The following SGCZ variants were observed in gnomAD, a reference collection of about 807,000 sequenced individuals.
SGCZ encodes the protein zeta-sarcoglycan.
In SGCZ, 40 loss-of-function variants were observed where a neutral mutation model predicts 41.3. The observed-to-expected ratio is 0.97, with a 90% CI of 0.75 to 1.26. The LOEUF (loss-of-function observed/expected upper bound fraction) is 1.26. Among genes scored for constraint, SGCZ ranks in the 50% most tolerant of loss-of-function variants. The pLI, the probability that SGCZ is intolerant of heterozygous loss-of-function variation, is 0.00. For missense variants in SGCZ, 552 were observed against 369.8 expected (o/e 1.49, Z -4.04); for synonymous variants, 206 against 137.5 (o/e 1.50, Z -3.49).
intron 1 of SGCZ, among the ~76,000 whole-genome samples, chr8:14,772,948 T>C (rs1800294991): frequency 6.6e-6 from 1 of 152,098 alleles, no homozygotes; most frequent in African/African-American, 2.4e-5. Context: ...TACCCAGTAA[T>C]GGGATGGCTG....
At chr8:14,529,230 A>G (rs987187947) in intron 2 of SGCZ, among the ~76,000 whole-genome samples, 8 of 152,108 alleles carry the variant, frequency 5.3e-5, no homozygotes, top group Non-Finnish European at 1.0e-4. Context: ...TTTTCCCCTT[A>G]TGATCCTACA....
At chr8:15,047,547 T>C (rs547373184) in intron 1 of SGCZ, among the ~76,000 whole-genome samples, 2 of 152,134 alleles carry the variant, frequency 1.3e-5, no homozygotes, top group South Asian at 2.1e-4. Flanking sequence ...TACTACAACA[T>C]AATACAAAAT....
At chr8:14,950,116 C>G (rs1800584411) in intron 1 of SGCZ, among the ~76,000 whole-genome samples, 1 of 151,986 alleles carries the variant, frequency 6.6e-6, no homozygotes, top group Admixed American at 6.6e-5. Context: ...TAAAACTATA[C>G]TCTCTCCAGG....
intron 5 of SGCZ, among the ~76,000 whole-genome samples, chr8:14,163,546 T>C (rs1053991368): frequency 3.9e-5 from 6 of 152,200 alleles, no homozygotes; most frequent in Non-Finnish European, 8.8e-5. Flanking sequence ...CAACACAACC[T>C]CTTCATTATG....
rs573129997 is a variant in SGCZ at position 15,141,760 on chromosome 8, G to A, written c.39+95825C>T. Among the ~76,000 whole-genome samples, 6 of 152,226 alleles carry A rather than the reference G, an allele frequency of 3.9e-5. No individual in the cohort carries two copies. The South Asian group carries it at 6.2e-4, about 16-fold the overall frequency. ...CTACCAAAACTACAAAAATCAACTC[G>A]GCGTGGTGGTGCGTGCCTGTAATCC... On this transcript the variant is annotated intron_variant, in intron 1 of 7. Transcript: ENST00000382080.
chr8:14,675,401 GA>G (rs1346773695), intron 1 of SGCZ, among the ~76,000 whole-genome samples: 1 of 151,854 alleles, frequency 6.6e-6, no homozygotes, highest in African/African-American at 2.4e-5. Context: ...GTCCATTTTA[GA>G]GGTATGTAAT....
intron 1 of SGCZ, among the ~76,000 whole-genome samples, chr8:15,166,225 C>A (rs916206936): frequency 6.7e-6 from 1 of 150,098 alleles, no homozygotes. Flanking sequence ...CAAAATGATG[C>A]TCAATCCTTT....
At chr8:14,268,090 A>G (rs1278579951) in intron 3 of SGCZ, among the ~76,000 whole-genome samples, 1 of 268 alleles carries the variant, frequency 3.7e-3, no homozygotes, top group African/African-American at 9.6e-3. Flanking sequence ...TATTTCTGCA[A>G]ATTTGCTGTT....
At chr8:14,356,571 G>A (rs17119188) in intron 2 of SGCZ, among the ~76,000 whole-genome samples, 3,981 of 152,096 alleles carry the variant, frequency 0.026, 138 homozygotes, top group African/African-American at 0.089. Flanking sequence ...AGATGCTCCT[G>A]ATGATGAGGT....
intron 1 of SGCZ, among the ~76,000 whole-genome samples, chr8:14,849,356 A>G (rs192167032): frequency 2.0e-5 from 3 of 152,264 alleles, no homozygotes; most frequent in Admixed American, 6.5e-5. Context: ...AAATAATTGT[A>G]TCTCAATAAA....
At chr8:14,806,246 G>T (rs1402797352) in intron 1 of SGCZ, among the ~76,000 whole-genome samples, 1 of 151,222 alleles carries the variant, frequency 6.6e-6, no homozygotes, top group Non-Finnish European at 1.5e-5. Context: ...AGAACTGAAG[G>T]AAATAGAGAC....
chr8:14,619,642 C>A (rs1806218839), intron 1 of SGCZ, among the ~76,000 whole-genome samples: 1 of 152,012 alleles, frequency 6.6e-6, no homozygotes, highest in African/African-American at 2.4e-5. Context: ...TCTTATACAC[C>A]AAGAGCAGAC....
rs12679747 is a variant in SGCZ, at chr8:14,143,732, G to A, written c.547+20848C>T. ...TGTGTATGGCTGAAAGAGGCATGAA[G>A]AGATAAAGAGCCCTAAATGGTCAAT... On this transcript the variant is annotated intron_variant, in intron 5 of 7. Transcript: ENST00000382080. Among the ~76,000 whole-genome samples the A allele has an allele frequency of 3.5e-4, 54 of 152,250 alleles. 1 individual carries two copies. The East Asian group carries it at 7.6e-3, about 21-fold the overall frequency.
intron 4 of SGCZ, among the ~76,000 whole-genome samples, chr8:14,223,043 C>G (rs749778783): frequency 5.9e-5 from 9 of 152,098 alleles, no homozygotes; most frequent in Non-Finnish European, 1.2e-4. Context: ...AACTTCTGAT[C>G]TCATGATCCA....
intron 4 of SGCZ, among the ~76,000 whole-genome samples, chr8:14,178,108 C>T (rs1563168897): frequency 6.6e-6 from 1 of 151,826 alleles, no homozygotes. Flanking sequence ...CAGGCATGAG[C>T]CATCACCCCC....
At chr8:14,253,938 TGC>T (rs1799375403) in intron 3 of SGCZ, among the ~76,000 whole-genome samples, 2 of 83,080 alleles carry the variant, frequency 2.4e-5, no homozygotes, top group African/African-American at 5.1e-5. Flanking sequence ...TCACTTGTTC[TGC>T]TTTTCATGAA....
chr8:14,329,022 G>T (rs968786608), intron 2 of SGCZ, among the ~76,000 whole-genome samples: 5 of 151,782 alleles, frequency 3.3e-5, no homozygotes, highest in African/African-American at 1.2e-4. Context: ...CTTGATCTTG[G>T]ACTTCCCAGC....
intron 2 of SGCZ, among the ~76,000 whole-genome samples, chr8:14,372,591 A>G (rs535846384): frequency 1.3e-5 from 2 of 152,272 alleles, no homozygotes; most frequent in South Asian, 4.1e-4. Flanking sequence ...GTGCAATTTT[A>G]AGCAGATTTG....
chr8:14,339,538 C>T lies in SGCZ; in HGVS notation c.235-15334G>A, dbSNP rs184172704. Among the ~76,000 whole-genome samples the T allele has an allele frequency of 7.2e-5, 11 of 152,254 alleles. No individual in the cohort carries two copies. In the East Asian group the frequency reaches 1.4e-3, roughly 19 times the overall value. On this transcript the variant is annotated intron_variant, in intron 2 of 7. Coordinates refer to ENST00000382080, the MANE Select transcript of SGCZ (RefSeq NM_139167.4). ...GTCAATGTTTTCTTTTTATTCCACA[C>T]GACGAATCAGTTGCCATATCCTATG...
Sources: gnomAD v4.1 joint callset for allele counts (sites outside exome capture counted in the v4.1 genomes callset) on GRCh38, gnomAD v4.1.1 for gene constraint, MANE v1.5 for transcripts, NCBI Gene and HGNC (gene_info 2026-07-23, HGNC 2026-07-21) for gene names.